The following GANC variants were observed in gnomAD, a reference collection of about 807,000 sequenced individuals.
The protein encoded by GANC is neutral alpha-glucosidase C.
GANC carries 117 observed loss-of-function variants against 124.2 expected under a neutral mutation model. The observed-to-expected ratio is 0.94, with a 90% confidence interval of 0.81 to 1.10. The LOEUF is 1.10. GANC is among the 50% of genes least tolerant of loss of function. The pLI is 0.00. For missense variants in GANC, 1,140 were observed against 1,095.0 expected, an observed-to-expected ratio of 1.04 and a Z score of -0.58; for synonymous variants, 377 against 376.8, an observed-to-expected ratio of 1.00 and a Z score of -0.01.
intron 10 of GANC, among the ~76,000 whole-genome samples, chr15:42,319,486 G>A (rs989292327): frequency 1.3e-5 from 2 of 151,012 alleles, no homozygotes; most frequent in Non-Finnish European, 2.9e-5. Flanking sequence ...CTGGGACTGT[G>A]GGCATGTGCT....
chr15:42,302,391 A>G (rs8040698), intron 6 of GANC, among the ~76,000 whole-genome samples: 138,474 of 152,232 alleles, frequency 0.91, 64,343 homozygotes, highest in Non-Finnish European at 1. Context: ...CCATGAAAGT[A>G]AGGAAAAACC....
chr15:42,305,306 A>G (rs2051983739), intron 6 of GANC, among the ~76,000 whole-genome samples: 6 of 152,218 alleles, frequency 3.9e-5, no homozygotes, highest in Admixed American at 3.9e-4. Flanking sequence ...ATGAACAGAC[A>G]CCTCTGAAAA....
chr15:42,275,381 AT>A (rs1034333929), intron 1 of GANC, among the ~76,000 whole-genome samples: 1 of 152,184 alleles, frequency 6.6e-6, no homozygotes, highest in South Asian at 2.1e-4. Flanking sequence ...CTCAAAAAAA[AT>A]TTTTTTAATA....
intron 20 of GANC, among the ~76,000 whole-genome samples, chr15:42,347,062 C>T (rs2052371519): frequency 6.6e-6 from 1 of 151,944 alleles, no homozygotes; most frequent in Admixed American, 6.6e-5. Flanking sequence ...AATTATTTGT[C>T]CAGGAACACA....
intron 7 of GANC, among the ~76,000 whole-genome samples, chr15:42,307,412 C>T (rs990082346): frequency 1.3e-5 from 2 of 149,154 alleles, no homozygotes; most frequent in Non-Finnish European, 3.0e-5. Flanking sequence ...TGGCTTACTG[C>T]ACCCTTGAAC....
At chr15:42,313,144 C>A (rs58292736) in intron 10 of GANC, among the ~76,000 whole-genome samples, 15,679 of 152,158 alleles carry the variant, frequency 0.1, 1,171 homozygotes, top group Admixed American at 0.19. Context: ...AAGAAATAGT[C>A]TCTTGAGCAT....
intron 19 of GANC, 114 bp downstream of exon 19, chr15:42,343,268 A>G: frequency 2.4e-6 from 2 of 834,122 alleles, no homozygotes; most frequent in Admixed American, 4.4e-5. Flanking sequence ...AGATGACTAT[A>G]GCAAGTAATT....
In GANC at chr15:42,326,372, C is replaced by A. The variant is rs201682807; in HGVS notation, c.1368C>A (p.Gly456=). 6.2e-7 allele frequency: 1 copy of A among 1,614,120 alleles called. No individual in the cohort carries two copies. Among genetic ancestry groups the A allele is most frequent in the East Asian group, 2.2e-5 (1 of 44,874 alleles). ...TATATGTGAAGGCCAAAGATCAGGG[C>A]TTCTTTGTGAAGAATCAGGAAGGGG... ...YSVYVKAKDQ[G]FFVKNQEGED... is the part of the protein sequence containing the mutation. The change falls in exon 12 of 24, where the codon GGC becomes GGA. Residue 456 remains glycine, a synonymous_variant. Coordinates refer to ENST00000318010, the MANE Select transcript of GANC (RefSeq NM_198141.3).
At chr15:42,301,028 AAAAG>A (rs752373920) in intron 6 of GANC, among the ~76,000 whole-genome samples, 36 of 151,000 alleles carry the variant, frequency 2.4e-4, no homozygotes, top group African/African-American at 6.3e-4. Flanking sequence ...CAAAAAAAAA[AAAAG>A]AAAGAAAGAA....
chr15:42,329,806 G>C (rs1487905256), intron 14 of GANC, among the ~76,000 whole-genome samples: 1 of 152,140 alleles, frequency 6.6e-6, no homozygotes, highest in Admixed American at 6.5e-5. Flanking sequence ...TAAAACAAGT[G>C]TTTTAAGATT....
intron 22 of GANC, among the ~76,000 whole-genome samples, chr15:42,350,480 T>A (rs1453649410): frequency 6.6e-6 from 1 of 152,102 alleles, no homozygotes; most frequent in African/African-American, 2.4e-5. Flanking sequence ...TCTTCAGTTA[T>A]TTTTCAAATA....
Position 42,308,250 on chromosome 15 carries a change from C to A in GANC, c.654C>A (p.Ser218=), listed in dbSNP as rs757769027. The change falls in exon 8 of 24, where the codon TCC becomes TCA. Residue 218 remains serine, a synonymous_variant. Transcript: ENST00000318010. ...CTTCTTCTATTGGTTTGGATTTCTC[C>A]TTGCATGGATTTGAGCATCTTTATG... The part of the protein sequence containing the change: ...NGPSSIGLDF[S]LHGFEHLYGI... The A allele has an allele frequency of 1.2e-6, 2 of 1,608,974 alleles. No individual in the cohort carries two copies. The highest frequency in any genetic ancestry group is 1.7e-6 in the Non-Finnish European group (2 of 1,176,232).
intron 21 of GANC, 47 bp downstream of exon 21, chr15:42,348,263 A>C: frequency 8.4e-7 from 1 of 1,189,580 alleles, no homozygotes; most frequent in Non-Finnish European, 1.2e-6. Flanking sequence ...CTTTCTTTAC[A>C]GTGATAGCCT....
chr15:42,335,717 C>T (rs2052278361), intron 15 of GANC, among the ~76,000 whole-genome samples: 1 of 152,206 alleles, frequency 6.6e-6, no homozygotes, highest in Admixed American at 6.5e-5. Flanking sequence ...TCTAGAAAAC[C>T]CCATAGTCTC....
intron 3 of GANC, among the ~76,000 whole-genome samples, chr15:42,280,106 C>T (rs1447695749): frequency 6.6e-6 from 1 of 152,164 alleles, no homozygotes; most frequent in Non-Finnish European, 1.5e-5. Flanking sequence ...ATCCCCATCC[C>T]CTGTCCTCAA....
intron 15 of GANC, 97 bp downstream of exon 15, chr15:42,330,769 C>CTTTTT: frequency 8.2e-6 from 3 of 365,324 alleles, no homozygotes; most frequent in East Asian, 5.1e-5. Context: ...CCTTCCTTTT[C>CTTTTT]CTTTTTTTTT....
chr15:42,290,499 C>T (rs1484237677), intron 4 of GANC, among the ~76,000 whole-genome samples: 2 of 152,118 alleles, frequency 1.3e-5, no homozygotes, highest in African/African-American at 2.4e-5. Context: ...ACTGGGAAAA[C>T]GTAGGACTCC....
At chr15:42,314,879 GT>G (rs1459121990) in intron 10 of GANC, 1 of 152,210 alleles carries the variant, frequency 6.6e-6, no homozygotes, top group Non-Finnish European at 1.5e-5. Flanking sequence ...AATGCAGGTT[GT>G]CTACTAAGAC....
chr15:42,314,194 A>G (rs1021199756), intron 10 of GANC: 9 of 758,478 alleles, frequency 1.2e-5, no homozygotes, highest in South Asian at 2.7e-5. Context: ...TTGGCCAGAA[A>G]ATATTCCCCA....
Sources: allele counts gnomAD v4.1 joint callset (sites outside exome capture counted in the v4.1 genomes callset), GRCh38; gene constraint gnomAD v4.1.1; transcripts MANE v1.5; gene names NCBI Gene and HGNC (gene_info 2026-07-23, HGNC 2026-07-21).